SLC25A26: variants seen among roughly 807,000 people sequenced by gnomAD.
SLC25A26 encodes the protein mitochondrial S-adenosylmethionine carrier protein.
A neutral mutation model predicts 37.8 loss-of-function variants in SLC25A26; 36 were observed. That is an observed-to-expected ratio of 0.95 (90% confidence interval 0.73 to 1.26). The LOEUF is 1.26. Ranked by LOEUF, SLC25A26 falls within the 50% of genes most tolerant of loss-of-function variation. SLC25A26 has a pLI of 0.00. For missense variants in SLC25A26, 390 were observed against 331.1 expected (o/e 1.18, Z -1.38); for synonymous variants, 129 against 122.5 (o/e 1.05, Z -0.35).
At chr3:66,138,355 G>T (rs28582475) in intron 1 of SLC25A26, among the ~76,000 whole-genome samples, 6,628 of 151,988 alleles carry the variant, frequency 0.044, 190 homozygotes, top group Non-Finnish European at 0.061. Context: ...TCACACTCCA[G>T]GGCAACCATT....
intron 1 of SLC25A26, among the ~76,000 whole-genome samples, chr3:66,136,784 A>G (rs2069952753): frequency 6.6e-6 from 1 of 152,196 alleles, no homozygotes; most frequent in Non-Finnish European, 1.5e-5. Flanking sequence ...AATTGTATAC[A>G]AAGCTTTTCC....
At chr3:66,202,633 A>C (rs2071126225) in intron 1 of SLC25A26, among the ~76,000 whole-genome samples, 1 of 152,128 alleles carries the variant, frequency 6.6e-6, no homozygotes, top group Non-Finnish European at 1.5e-5. Flanking sequence ...TACTGGAGAC[A>C]CTTGTTCAAC....
chr3:66,315,126 G>T (rs797018378), intron 5 of SLC25A26, among the ~76,000 whole-genome samples: 31 of 134,660 alleles, frequency 2.3e-4, no homozygotes, highest in African/African-American at 8.0e-4. Context: ...ATCTCCTTCA[G>T]TTCTGCTCTG....
At chr3:66,149,516 C>T (rs2070169353) in intron 1 of SLC25A26, among the ~76,000 whole-genome samples, 1 of 152,204 alleles carries the variant, frequency 6.6e-6, no homozygotes, top group African/African-American at 2.4e-5. Context: ...CTAATAGAAC[C>T]TCCCATGTGG....
At chr3:66,260,103 T>C (rs2073464000) in intron 3 of SLC25A26, among the ~76,000 whole-genome samples, 1 of 152,218 alleles carries the variant, frequency 6.6e-6, no homozygotes, top group East Asian at 1.9e-4. Flanking sequence ...CAGAAGGTTC[T>C]ATAATGGTGT....
intron 1 of SLC25A26, among the ~76,000 whole-genome samples, chr3:66,209,247 A>C (rs1283233109): frequency 7.2e-6 from 1 of 139,142 alleles, no homozygotes; most frequent in African/African-American, 2.6e-5. Context: ...TACCCATATA[A>C]AGGTGTATAT....
intron 1 of SLC25A26, among the ~76,000 whole-genome samples, chr3:66,175,144 C>CATATATAT (rs1367394790): frequency 1.6e-4 from 10 of 62,506 alleles, no homozygotes; most frequent in African/African-American, 7.1e-4. Flanking sequence ...TATATATACA[C>CATATATAT]ACACACACAC....
chr3:66,236,588 T>G lies in SLC25A26; in HGVS notation c.78T>G (p.Pro26=). The change falls in exon 2 of 10, where the codon CCT becomes CCG. Residue 26 remains proline (P), a synonymous_variant. Transcript: ENST00000354883. ...TTTCTGTTGACTTGATATTATTTCCTCTGGATACCATTAAAACCAGGCTGC... is the reference window on the plus strand; with the variant it reads ...TTTCTGTTGACTTGATATTATTTCCGCTGGATACCATTAAAACCAGGCTGC... ...AGVSVDLILF[P]LDTIKTRLQS... 6.6e-7 allele frequency: 1 copy of G among 1,509,572 alleles called. No individual in the cohort carries two copies. The highest frequency in any genetic ancestry group is 2.0e-5 in the Admixed American group (1 of 50,808). 93.5% of individuals were successfully genotyped at this position (1,509,572 alleles called of 1,614,324 possible).
At chr3:66,242,930 G>A (rs759842034) in intron 2 of SLC25A26, among the ~76,000 whole-genome samples, 53 of 152,164 alleles carry the variant, frequency 3.5e-4, no homozygotes, top group Non-Finnish European at 6.8e-4. Flanking sequence ...TAAGTAATTT[G>A]TCAGTACAAC....
intron 5 of SLC25A26, among the ~76,000 whole-genome samples, chr3:66,278,895 C>T (rs1326366815): frequency 2.0e-5 from 3 of 152,098 alleles, no homozygotes; most frequent in African/African-American, 7.2e-5. Flanking sequence ...TTTCATAGCT[C>T]TTCTGTATTG....
chr3:66,324,133 T>G (rs2075771114), intron 5 of SLC25A26: 1 of 119,644 alleles, frequency 8.4e-6, no homozygotes, highest in African/African-American at 4.1e-5. Flanking sequence ...GCCTGGGCAA[T>G]GAAAAAAAAG....
intron 9 of SLC25A26, 148 bp downstream of exon 9, chr3:66,370,750 T>C (rs988053427): frequency 1.6e-6 from 1 of 642,974 alleles, no homozygotes; most frequent in Non-Finnish European, 2.7e-6. Flanking sequence ...GTTGATGTTG[T>C]ATATATGAGA....
intron 1 of SLC25A26, among the ~76,000 whole-genome samples, chr3:66,159,384 C>T (rs895807475): frequency 1.3e-5 from 2 of 152,178 alleles, no homozygotes; most frequent in Non-Finnish European, 2.9e-5. Context: ...TGGTGTTTTT[C>T]ATTACTGTTT....
intron 5 of SLC25A26, among the ~76,000 whole-genome samples, chr3:66,308,113 T>C (rs751325323): frequency 2.8e-4 from 43 of 152,326 alleles, no homozygotes; most frequent in Admixed American, 9.8e-4. Context: ...TTTCATGATA[T>C]TGATTCTTCC....
chr3:66,272,338 A>AT (rs1225160081), intron 5 of SLC25A26, among the ~76,000 whole-genome samples: 7 of 152,060 alleles, frequency 4.6e-5, no homozygotes, highest in Admixed American at 3.9e-4. Context: ...AAACAGATAA[A>AT]TTTTTTCTGG....
chr3:66,224,505 C>T (rs1016333151), intron 1 of SLC25A26, among the ~76,000 whole-genome samples: 1 of 152,190 alleles, frequency 6.6e-6, no homozygotes, highest in African/African-American at 2.4e-5. Flanking sequence ...ATTCAGTTAC[C>T]TTCTACCAGG....
At chr3:66,218,541 T>C (rs1007780085), upstream of SLC25A26, among the ~76,000 whole-genome samples, 13 of 152,216 alleles carry the variant, frequency 8.5e-5, no homozygotes, top group Non-Finnish European at 1.5e-5. Flanking sequence ...GTTTCCAAGA[T>C]GGCACCCAGT....
At chr3:66,309,978 G>C (rs35112859) in intron 5 of SLC25A26, among the ~76,000 whole-genome samples, 26,081 of 152,132 alleles carry the variant, frequency 0.17, 3,358 homozygotes, top group East Asian at 0.68. Flanking sequence ...ATATTCTGTT[G>C]ATTTGGGGTG....
intron 7 of SLC25A26, among the ~76,000 whole-genome samples, chr3:66,363,821 T>C (rs1233768253): frequency 2.6e-5 from 4 of 152,206 alleles, no homozygotes; most frequent in African/African-American, 7.2e-5. Context: ...TAGTACTCTT[T>C]ATTAATAGAC....
Sources: allele counts gnomAD v4.1 joint callset (sites outside exome capture counted in the v4.1 genomes callset), GRCh38; gene constraint gnomAD v4.1.1; transcripts MANE v1.5; gene names NCBI Gene and HGNC (gene_info 2026-07-23, HGNC 2026-07-21).